PACRG: variants seen among roughly 807,000 people sequenced by gnomAD.
PACRG encodes the protein parkin coregulated.
In PACRG, 29 loss-of-function variants were observed where a neutral mutation model predicts 29.7. The observed-to-expected ratio is 0.98, with a 90% CI of 0.73 to 1.33. PACRG has a LOEUF of 1.33. Among genes scored for constraint, PACRG ranks in the 40% most tolerant of loss-of-function variants. PACRG has a pLI of 0.00. For synonymous variants in PACRG, 116 were observed against 118.7 expected (o/e 0.98, Z 0.15); for missense variants, 279 against 316.2 (o/e 0.88, Z 0.89).
At chr6:162,834,829 A>C (rs1442822646) in intron 2 of PACRG, among the ~76,000 whole-genome samples, 1 of 152,092 alleles carries the variant, frequency 6.6e-6, no homozygotes, top group Non-Finnish European at 1.5e-5. Flanking sequence ...ATCAGGGCTT[A>C]TCATGTCCTA....
At chr6:162,971,245 T>C (rs1328390112) in intron 2 of PACRG, among the ~76,000 whole-genome samples, 12 of 152,204 alleles carry the variant, frequency 7.9e-5, no homozygotes, top group Admixed American at 6.5e-4. Flanking sequence ...GGCCCTGATA[T>C]TGATTTGTGG....
rs1382077073 is a variant in PACRG, at chr6:163,089,321, G to A, written c.526G>A (p.Val176Ile). 1 of 1,613,930 alleles carries A rather than the reference G, an allele frequency of 6.2e-7. No homozygotes were observed. The highest frequency in any genetic ancestry group is 1.3e-5 in the African/African-American group (1 of 74,878). ...CACTCTCAAGGTCCTCCAGCATCTG[G>A]TTGTGTCAGCTGAGATGGTGGGCAA... is the stretch of plus-strand genomic sequence containing the variant. ...CVTLKVLQHL[V>I]VSAEMVGKAL... The change falls in exon 4 of 5, where the codon GTT becomes ATT. Residue 176 changes from valine to isoleucine, a missense_variant. Coordinates refer to ENST00000366888, the MANE Select transcript of PACRG (RefSeq NM_001080379.2).
intron 4 of PACRG, among the ~76,000 whole-genome samples, chr6:163,306,619 A>G (rs927906831): frequency 6.6e-6 from 1 of 152,226 alleles, no homozygotes; most frequent in Non-Finnish European, 1.5e-5. Context: ...GGTGTCAACA[A>G]ATAATATGAA....
intron 3 of PACRG, 31 bp from the exon 4 acceptor site, chr6:163,089,228 T>C (rs949420692): frequency 6.3e-7 from 1 of 1,598,478 alleles, no homozygotes; most frequent in Non-Finnish European, 8.5e-7. Context: ...TATTAAAATA[T>C]TTTCTGCTTG....
chr6:163,054,273 A>T (rs971359415), intron 2 of PACRG: 8 of 152,212 alleles, frequency 5.3e-5, no homozygotes, highest in African/African-American at 1.9e-4. Context: ...CATTGTCTTT[A>T]TAAGAAGAGA....
chr6:162,837,298 C>T (rs889225395), intron 2 of PACRG, among the ~76,000 whole-genome samples: 4 of 152,082 alleles, frequency 2.6e-5, no homozygotes, highest in East Asian at 1.9e-4. Context: ...ATGTAACACG[C>T]GGTGCTGATA....
intron 4 of PACRG, among the ~76,000 whole-genome samples, chr6:163,155,332 C>A (rs1283937796): frequency 6.6e-6 from 1 of 152,176 alleles, no homozygotes; most frequent in Non-Finnish European, 1.5e-5. Flanking sequence ...AGGGTCATTC[C>A]AACTCAAGGG....
At chr6:163,268,575 G>C (rs9456850) in intron 4 of PACRG, among the ~76,000 whole-genome samples, 1 of 151,960 alleles carries the variant, frequency 6.6e-6, no homozygotes, top group South Asian at 2.1e-4. Context: ...AGCCCTAAAC[G>C]GTCAGTTTGC....
chr6:162,903,592 C>T (rs530865038), intron 2 of PACRG, among the ~76,000 whole-genome samples: 28 of 152,172 alleles, frequency 1.8e-4, no homozygotes, highest in African/African-American at 3.4e-4. Context: ...TTCACTACCA[C>T]AAGAACAGTA....
chr6:163,274,544 G>T (rs1046684160), intron 4 of PACRG, among the ~76,000 whole-genome samples: 2 of 152,108 alleles, frequency 1.3e-5, no homozygotes, highest in Non-Finnish European at 1.5e-5. Flanking sequence ...TGGGTATATA[G>T]CCAGTAATGG....
rs376602330 is a variant in PACRG at position 163,216,278 on chromosome 6, C to G, written c.614-98549C>G. 4.6e-5 allele frequency among the ~76,000 whole-genome samples: 7 copies of G among 152,222 alleles called. No homozygotes were observed. The East Asian group carries it at 1.2e-3, about 25-fold the overall frequency. ...AGGAGGGCCATAAAGCAGTGTCTGTCCCCAGTGGAGCCAGCACCAAGGGCA... is the reference window on the plus strand; with the variant it reads ...AGGAGGGCCATAAAGCAGTGTCTGTGCCCAGTGGAGCCAGCACCAAGGGCA... On this transcript the variant is annotated intron_variant, in intron 4 of 4. Transcript: ENST00000366888.
intron 2 of PACRG, among the ~76,000 whole-genome samples, chr6:163,004,633 A>G (rs1383273523): frequency 1.3e-5 from 2 of 151,514 alleles, no homozygotes; most frequent in African/African-American, 4.9e-5. Context: ...GACTATGAGC[A>G]TTACAATTCA....
chr6:163,239,780 A>C lies in PACRG; in HGVS notation c.614-75047A>C, dbSNP rs529471540. Among the ~76,000 whole-genome samples the C allele has an allele frequency of 1.1e-3, 151 of 140,690 alleles. 1 individual carries two copies. Among genetic ancestry groups the C allele is most frequent in the Non-Finnish European group, 1.6e-3 (103 of 64,544 alleles). 92.3% of individuals were successfully genotyped at this position (140,690 alleles called of 152,430 possible). Reference sequence around the variant, plus strand: ...CACACACTCACACCTCCACCCCCACACACACACACACTCACACATTCACAC... The same window carrying C: ...CACACACTCACACCTCCACCCCCACCCACACACACACTCACACATTCACAC... On this transcript the variant is annotated intron_variant, in intron 4 of 4. Transcript: ENST00000366888.
At chr6:162,888,884 G>A (rs1334097219) in intron 2 of PACRG, among the ~76,000 whole-genome samples, 1 of 152,146 alleles carries the variant, frequency 6.6e-6, no homozygotes, top group African/African-American at 2.4e-5. Flanking sequence ...AAATAGGAAG[G>A]AAGGTCAGAA....
chr6:163,025,634 A>G (rs1347640391), intron 2 of PACRG, among the ~76,000 whole-genome samples: 2 of 152,264 alleles, frequency 1.3e-5, no homozygotes, highest in Admixed American at 6.5e-5. Flanking sequence ...GGCTGCAAAT[A>G]TTAAACCCAG....
chr6:163,144,606 T>C (rs146542965), intron 4 of PACRG, among the ~76,000 whole-genome samples: 1,607 of 152,102 alleles, frequency 0.011, 25 homozygotes, highest in African/African-American at 0.037. Flanking sequence ...CCATCTCTAC[T>C]AAAAATACAA....
At chr6:163,216,139 G>A (rs530823648) in intron 4 of PACRG, among the ~76,000 whole-genome samples, 17 of 152,332 alleles carry the variant, frequency 1.1e-4, no homozygotes, top group African/African-American at 3.8e-4. Flanking sequence ...GAGAAAGAAA[G>A]TTTTTCCTGT....
chr6:163,166,471 A>G (rs1323260322), intron 4 of PACRG, among the ~76,000 whole-genome samples: 3 of 152,246 alleles, frequency 2.0e-5, no homozygotes, highest in Non-Finnish European at 4.4e-5. Flanking sequence ...GACTGCAACC[A>G]AATGTCATAT....
chr6:162,972,988 A>G (rs192288908), intron 2 of PACRG, among the ~76,000 whole-genome samples: 1 of 152,374 alleles, frequency 6.6e-6, no homozygotes, highest in Admixed American at 6.5e-5. Context: ...TGAAGAAGCT[A>G]TGATCTCAGG....
Sources: gnomAD v4.1 joint callset for allele counts (sites outside exome capture counted in the v4.1 genomes callset) on GRCh38, gnomAD v4.1.1 for gene constraint, MANE v1.5 for transcripts, NCBI Gene and HGNC (gene_info 2026-07-23, HGNC 2026-07-21) for gene names.